TAFA1: variants seen among roughly 807,000 people sequenced by gnomAD.
TAFA1 encodes chemokine-like protein TAFA-1.
In TAFA1, 4 loss-of-function variants were observed where a neutral mutation model predicts 18.5. That is an observed-to-expected ratio of 0.22 (90% confidence interval 0.11 to 0.49). The LOEUF (loss-of-function observed/expected upper bound fraction) is 0.49. TAFA1 is among the 20% of genes least tolerant of loss of function. The pLI is 0.98. For synonymous variants in TAFA1, 56 were observed against 55.2 expected (o/e 1.01, Z -0.06); for missense variants, 147 against 169.0 (o/e 0.87, Z 0.72).
At chr3:68,262,978 G>A (rs914097188) in intron 2 of TAFA1, among the ~76,000 whole-genome samples, 6 of 152,250 alleles carry the variant, frequency 3.9e-5, no homozygotes, top group African/African-American at 1.4e-4. Context: ...GCTTATTTGA[G>A]TCATGGATTG....
At chr3:68,060,280 C>T (rs2064586586) in intron 2 of TAFA1, among the ~76,000 whole-genome samples, 2 of 151,952 alleles carry the variant, frequency 1.3e-5, no homozygotes, top group South Asian at 4.1e-4. Context: ...TGCCAGTGCC[C>T]TCACAATTTT....
At chr3:68,281,161 C>G (rs1322182260) in intron 2 of TAFA1, among the ~76,000 whole-genome samples, 1 of 152,002 alleles carries the variant, frequency 6.6e-6, no homozygotes, top group Non-Finnish European at 1.5e-5. Flanking sequence ...ATTCTTACAA[C>G]AGCCCTGTAC....
chr3:68,277,317 A>G (rs1345743987), intron 2 of TAFA1, among the ~76,000 whole-genome samples: 1 of 152,164 alleles, frequency 6.6e-6, no homozygotes, highest in Non-Finnish European at 1.5e-5. Context: ...AAGAAATTTG[A>G]AAGAGAGTCA....
chr3:68,200,794 A>G (rs1382284457), intron 2 of TAFA1, among the ~76,000 whole-genome samples: 1 of 151,504 alleles, frequency 6.6e-6, no homozygotes, highest in Non-Finnish European at 1.5e-5. Context: ...TTATCTTTTC[A>G]AAGAATCAGC....
At chr3:68,075,431 C>A (rs1304834345) in intron 2 of TAFA1, among the ~76,000 whole-genome samples, 3 of 152,152 alleles carry the variant, frequency 2.0e-5, no homozygotes, top group Non-Finnish European at 4.4e-5. Context: ...TTCAACCCCA[C>A]AAAGAAATTT....
At chr3:68,305,406 T>A (rs2068388937) in intron 2 of TAFA1, among the ~76,000 whole-genome samples, 1 of 99,674 alleles carries the variant, frequency 1.0e-5, no homozygotes, top group Admixed American at 1.3e-4. Context: ...TATGACTATA[T>A]GACTATATAT....
intron 3 of TAFA1, among the ~76,000 whole-genome samples, chr3:68,460,863 T>A (rs765433769): frequency 1.4e-4 from 21 of 152,338 alleles, no homozygotes; most frequent in Middle Eastern, 3.4e-3. Flanking sequence ...AGACTAGAAC[T>A]TTTCCTTCAA....
At chr3:68,280,866 T>G (rs1189424684) in intron 2 of TAFA1, among the ~76,000 whole-genome samples, 1 of 152,200 alleles carries the variant, frequency 6.6e-6, no homozygotes, top group Non-Finnish European at 1.5e-5. Flanking sequence ...ATCTTGGTTC[T>G]TCTCAACTTT....
chr3:68,366,715 C>T (rs960963222), intron 2 of TAFA1, among the ~76,000 whole-genome samples: 1 of 152,152 alleles, frequency 6.6e-6, no homozygotes, highest in African/African-American at 2.4e-5. Context: ...TAAATTTTCT[C>T]TTCTATACAC....
intron 2 of TAFA1, among the ~76,000 whole-genome samples, chr3:68,240,395 G>A (rs2066980664): frequency 6.6e-6 from 1 of 152,274 alleles, no homozygotes; most frequent in East Asian, 1.9e-4. Context: ...AACACAAAGG[G>A]AAATCTCAAG....
intron 3 of TAFA1, among the ~76,000 whole-genome samples, chr3:68,468,676 G>T (rs552254912): frequency 1.2e-3 from 178 of 152,256 alleles, no homozygotes; most frequent in African/African-American, 4.1e-3. Flanking sequence ...ATTATCCATG[G>T]ATTTCAATTA....
chr3:68,295,485 C>CTG (rs1452586943), intron 2 of TAFA1, among the ~76,000 whole-genome samples: 2 of 151,868 alleles, frequency 1.3e-5, no homozygotes, highest in East Asian at 1.9e-4. Context: ...TGCTGTGTGT[C>CTG]TGTGTGTGTG....
intron 2 of TAFA1, among the ~76,000 whole-genome samples, chr3:68,137,361 TTAAA>T (rs2065621271): frequency 6.6e-6 from 1 of 152,208 alleles, no homozygotes; most frequent in South Asian, 2.1e-4. Flanking sequence ...TTTGGCTTTC[TTAAA>T]TAATTTATCC....
intron 2 of TAFA1, among the ~76,000 whole-genome samples, chr3:68,415,220 A>G (rs1266729720): frequency 1.3e-5 from 2 of 152,172 alleles, no homozygotes; most frequent in Non-Finnish European, 2.9e-5. Context: ...CATATAGCTT[A>G]CCAAGGTGGT....
intron 3 of TAFA1, among the ~76,000 whole-genome samples, chr3:68,537,033 GA>G: frequency 6.6e-6 from 1 of 152,238 alleles, no homozygotes; most frequent in South Asian, 2.1e-4. Flanking sequence ...TAGGCTAGGC[GA>G]TAAACCCTAA....
chr3:68,018,380 T>A (rs1259334371), intron 2 of TAFA1, among the ~76,000 whole-genome samples: 1 of 152,240 alleles, frequency 6.6e-6, no homozygotes, highest in Non-Finnish European at 1.5e-5. Flanking sequence ...TCATAACTGT[T>A]GATTTCAAAC....
intron 3 of TAFA1, among the ~76,000 whole-genome samples, chr3:68,458,528 G>T (rs2071709294): frequency 6.6e-6 from 1 of 152,148 alleles, no homozygotes; most frequent in Admixed American, 6.6e-5. Flanking sequence ...GCTCAGGAAA[G>T]TTAAGCAGTC....
chr3:68,257,127 G>T (rs1398127863), intron 2 of TAFA1, among the ~76,000 whole-genome samples: 1 of 151,952 alleles, frequency 6.6e-6, no homozygotes, highest in Non-Finnish European at 1.5e-5. Context: ...CAGCCTCAGG[G>T]TATTTGCAAC....
rs116498496 is a variant in TAFA1 at position 68,534,022 on chromosome 3, C to T, written c.260-4734C>T. Among the ~76,000 whole-genome samples, 1,499 of 152,076 alleles carry T rather than the reference C, an allele frequency of 9.9e-3. 23 individuals carry two copies. Among genetic ancestry groups the T allele is most frequent in the African/African-American group, 0.034 (1,427 of 41,462 alleles). On this transcript the variant is annotated intron_variant, in intron 3 of 4. Coordinates refer to ENST00000478136, the MANE Select transcript of TAFA1 (RefSeq NM_213609.4). ...GTGAAGAAAACTAAAATATTTTACCCGTATATATATGTCTTTGACATACTT... is the reference window on the plus strand; with the variant it reads ...GTGAAGAAAACTAAAATATTTTACCTGTATATATATGTCTTTGACATACTT...
Sources: gnomAD v4.1 joint callset for allele counts (sites outside exome capture counted in the v4.1 genomes callset) on GRCh38, gnomAD v4.1.1 for gene constraint, MANE v1.5 for transcripts, NCBI Gene and HGNC (gene_info 2026-07-23, HGNC 2026-07-21) for gene names.